Variants in RWDD3 observed in about 807,000 individuals in gnomAD.
The protein encoded by RWDD3 is RWD domain containing 3.
RWDD3 carries 30 observed loss-of-function variants against 26.5 expected under a neutral mutation model. That is an observed-to-expected ratio of 1.13 (90% CI 0.85 to 1.54). The LOEUF is 1.54. Ranked by LOEUF, RWDD3 falls within the 40% of genes most tolerant of loss-of-function variation. The pLI, the probability that RWDD3 is intolerant of heterozygous loss-of-function variation, is 0.00. For missense variants in RWDD3, 296 were observed against 309.1 expected (o/e 0.96, Z 0.32); for synonymous variants, 113 against 114.5 (o/e 0.99, Z 0.09).
chr1:95,239,916 G>A (rs1380379708), intron 1 of RWDD3: 1 of 1,289,602 alleles, frequency 7.8e-7, no homozygotes. Context: ...CCCGGTAGGT[G>A]TTTATATGGC....
upstream of RWDD3, chr1:95,234,209 T>A (rs759369336): frequency 1.9e-5 from 30 of 1,569,380 alleles, no homozygotes; most frequent in East Asian, 6.6e-4. Context: ...GGGGAAGCGC[T>A]GAGGCGGTGG....
chr1:95,246,688 G>C (rs750316695), intron 3 of RWDD3, 31 bp downstream of exon 3: 3 of 1,549,284 alleles, frequency 1.9e-6, no homozygotes, highest in African/African-American at 2.7e-5. Context: ...AGATGGAAAA[G>C]CAACTGAATC....
rs1216573971 is a variant in RWDD3 at position 95,234,349 on chromosome 1, C to T, written c.85+34C>T. ...CCGCGCGCGGGAGGGACAGGGCGCC[C>T]TCAGGGGCCACCCGCGTTCGCTTTG... is the stretch of plus-strand genomic sequence containing the variant. On this transcript the variant is annotated intron_variant, in intron 1 of 3. Transcript: ENST00000370202. 6 of 1,554,308 alleles carry T rather than the reference C, an allele frequency of 3.9e-6. No individual in the cohort carries two copies. In the Admixed American group the frequency reaches 7.6e-5, roughly 20 times the overall value.
In RWDD3 at chr1:95,234,217, T is replaced by C; in HGVS notation, c.-14T>C. On this transcript the variant is annotated 5_prime_UTR_variant, in exon 1 of 4. Transcript: ENST00000370202. ...AGCGGAAGGGGAAGCGCTGAGGCGG[T>C]GGGGCCCACAGCCATGGCGGAGCCT... The C allele has an allele frequency of 6.4e-7, 1 of 1,572,880 alleles. No individual in the cohort carries two copies. Among genetic ancestry groups the C allele is most frequent in the Non-Finnish European group, 8.6e-7 (1 of 1,160,600 alleles).
chr1:95,239,970 A>G (rs747894279), intron 1 of RWDD3: 111 of 1,279,378 alleles, frequency 8.7e-5, no homozygotes, highest in Non-Finnish European at 1.1e-4. Flanking sequence ...TGATCAGAAA[A>G]GGATTCTTCA....
At chr1:95,244,128 T>G (rs766287465) in intron 1 of RWDD3, 83 bp from the exon 2 acceptor site, 16 of 1,520,776 alleles carry the variant, frequency 1.1e-5, no homozygotes, top group African/African-American at 2.8e-5. Context: ...TAAATTGACA[T>G]TTGAGACAAA....
chr1:95,245,237 T>A (rs1680805544), intron 2 of RWDD3, among the ~76,000 whole-genome samples: 1 of 152,202 alleles, frequency 6.6e-6, no homozygotes, highest in African/African-American at 2.4e-5. Flanking sequence ...ACTTGTCACC[T>A]CCTACCTAAC....
intron 1 of RWDD3, among the ~76,000 whole-genome samples, chr1:95,237,670 G>A (rs1012023153): frequency 1.3e-5 from 2 of 152,150 alleles, no homozygotes; most frequent in Non-Finnish European, 2.9e-5. Flanking sequence ...CCACATTAGG[G>A]ATATTCTGTT....
intron 1 of RWDD3, among the ~76,000 whole-genome samples, chr1:95,241,442 A>G (rs1571845523): frequency 2.0e-5 from 3 of 151,526 alleles, no homozygotes; most frequent in Admixed American, 1.3e-4. Flanking sequence ...GAGCTTAGGA[A>G]CCCTCCGGTA....
At chr1:95,235,919 C>T (rs554821898) in intron 1 of RWDD3, among the ~76,000 whole-genome samples, 8 of 152,190 alleles carry the variant, frequency 5.3e-5, no homozygotes, top group African/African-American at 1.9e-4. Context: ...TCAGTTTTCA[C>T]TTAGCTTTCA....
chr1:95,242,986 G>C (rs1680698523), intron 1 of RWDD3, among the ~76,000 whole-genome samples: 1 of 152,104 alleles, frequency 6.6e-6, no homozygotes, highest in South Asian at 2.1e-4. Flanking sequence ...GGTTTTGGAG[G>C]AATGTACAAA....
Position 95,244,387 on chromosome 1 carries a change from C to A in RWDD3, c.262C>A (p.Leu88Ile). 1 of 1,614,172 alleles carries A rather than the reference C, an allele frequency of 6.2e-7. No individual in the cohort carries two copies. Among genetic ancestry groups the A allele is most frequent in the Non-Finnish European group, 8.5e-7 (1 of 1,180,040 alleles). ...GTGTGTGACTGTGAAAGAGAATTTA[C>A]TTGAGCAAGCAGAGAGCCTTTTGTC... Reference protein sequence around the residue: ...AQCVTVKENLLEQAESLLSEP... With the variant: ...AQCVTVKENLIEQAESLLSEP... Residue 88 changes from leucine to isoleucine, a missense_variant, in exon 2 of 4, where the codon CTT becomes ATT. Coordinates refer to ENST00000370202, the MANE Select transcript of RWDD3 (RefSeq NM_015485.5).
intron 1 of RWDD3, among the ~76,000 whole-genome samples, chr1:95,239,430 T>C (rs1680511185): frequency 6.6e-6 from 1 of 152,180 alleles, no homozygotes. Flanking sequence ...AGATGAGATA[T>C]GGAAGAGTAC....
intron 2 of RWDD3, 30 bp from the exon 3 acceptor site, chr1:95,246,512 A>T: frequency 7.9e-7 from 1 of 1,265,082 alleles, no homozygotes; most frequent in East Asian, 2.3e-5. Flanking sequence ...AGAGTAAGAT[A>T]TGTATTTAAT....
chr1:95,236,737 G>A (rs1347437190), intron 1 of RWDD3, among the ~76,000 whole-genome samples: 1 of 152,156 alleles, frequency 6.6e-6, no homozygotes, highest in East Asian at 1.9e-4. Context: ...TATTTGAAGA[G>A]ATCATCAGTT....
chr1:95,236,597 A>G (rs185055822), intron 1 of RWDD3, among the ~76,000 whole-genome samples: 1 of 152,284 alleles, frequency 6.6e-6, no homozygotes, highest in African/African-American at 2.4e-5. Flanking sequence ...ATTGTTTAAA[A>G]TCCATATGAA....
At chr1:95,245,886 T>C (rs1680832859) in intron 2 of RWDD3, among the ~76,000 whole-genome samples, 1 of 152,198 alleles carries the variant, frequency 6.6e-6, no homozygotes, top group Admixed American at 6.5e-5. Context: ...CAGGTATCTA[T>C]TCATATTTAA....
chr1:95,235,086 G>A (rs762992016), intron 1 of RWDD3, among the ~76,000 whole-genome samples: 70 of 150,122 alleles, frequency 4.7e-4, no homozygotes, highest in Non-Finnish European at 8.3e-4. Flanking sequence ...TTGCTTTGTC[G>A]CCTAGGCTGG....
Position 95,244,263 on chromosome 1 carries a change from T to C in RWDD3, c.138T>C (p.Asp46=). 6.2e-7 allele frequency: 1 copy of C among 1,614,238 alleles called. No individual in the cohort carries two copies. The highest frequency in any genetic ancestry group is 8.5e-7 in the Non-Finnish European group (1 of 1,180,042). ...ACACAAAAGCTGAAGGATTTATGGA[T>C]GTGGATATACCTCTGGAATTGGTGT... The part of the protein sequence containing the change: ...RIHTKAEGFM[D]VDIPLELVFH... The change falls in exon 2 of 4, where the codon GAT becomes GAC. Residue 46 remains aspartate, a synonymous_variant. Coordinates refer to ENST00000370202, the MANE Select transcript of RWDD3 (RefSeq NM_015485.5).
Sources: gnomAD v4.1 joint callset for allele counts (sites outside exome capture counted in the v4.1 genomes callset) on GRCh38, gnomAD v4.1.1 for gene constraint, MANE v1.5 for transcripts, NCBI Gene and HGNC (gene_info 2026-07-23, HGNC 2026-07-21) for gene names.